Variants in ST8SIA1 observed in about 807,000 individuals in gnomAD.
ST8SIA1 encodes the protein alpha-N-acetylneuraminide alpha-2,8-sialyltransferase.
Under a neutral mutation model 35.9 loss-of-function variants are expected in ST8SIA1, and 16 were observed. The observed-to-expected ratio is 0.45, with a 90% CI of 0.30 to 0.68. The LOEUF (loss-of-function observed/expected upper bound fraction) is 0.68, where lower values mean the gene tolerates loss of function less well. ST8SIA1 is among the 30% of genes least tolerant of loss of function. The pLI is 0.09. For synonymous variants in ST8SIA1, 170 were observed against 169.6 expected (o/e 1.00, Z -0.02); for missense variants, 383 against 453.6 (o/e 0.84, Z 1.41).
chr12:22,234,676 T>G (rs1316226832), intron 4 of ST8SIA1, among the ~76,000 whole-genome samples: 1 of 152,200 alleles, frequency 6.6e-6, no homozygotes, highest in African/African-American at 2.4e-5. Flanking sequence ...AAACTCAACA[T>G]GTGCAGTACA....
intron 4 of ST8SIA1, among the ~76,000 whole-genome samples, chr12:22,224,314 T>A (rs1367370745): frequency 7.5e-6 from 1 of 134,138 alleles, no homozygotes; most frequent in Admixed American, 8.3e-5. Context: ...AATATATTTA[T>A]ACTTTTTTTT....
At chr12:22,311,858 C>T (rs1208054318) in intron 1 of ST8SIA1, among the ~76,000 whole-genome samples, 1 of 152,072 alleles carries the variant, frequency 6.6e-6, no homozygotes, top group Admixed American at 6.6e-5. Context: ...TAGGCAAGAC[C>T]TCCATTGCAA....
At chr12:22,288,415 C>T (rs1322231644) in intron 1 of ST8SIA1, among the ~76,000 whole-genome samples, 3 of 152,166 alleles carry the variant, frequency 2.0e-5, no homozygotes, top group Admixed American at 6.5e-5. Flanking sequence ...TCACTGAGAA[C>T]GTACTGGTAG....
chr12:22,252,295 G>C (rs1865680525), intron 3 of ST8SIA1, among the ~76,000 whole-genome samples: 1 of 152,052 alleles, frequency 6.6e-6, no homozygotes, highest in Non-Finnish European at 1.5e-5. Context: ...CTACAGTCTA[G>C]GACCAGACAT....
At chr12:22,261,022 A>C (rs1865785123) in intron 2 of ST8SIA1, among the ~76,000 whole-genome samples, 1 of 151,484 alleles carries the variant, frequency 6.6e-6, no homozygotes, top group Non-Finnish European at 1.5e-5. Context: ...GGCTACAGGC[A>C]TGTACCACCA....
chr12:22,229,615 CAAAAAAAA>C (rs11290260), intron 4 of ST8SIA1, among the ~76,000 whole-genome samples: 2 of 93,744 alleles, frequency 2.1e-5, no homozygotes, highest in East Asian at 2.9e-4. Flanking sequence ...GACCGGGTTT[CAAAAAAAA>C]AAAAAAAAAA....
At chr12:22,273,317 C>T (rs1431743027) in intron 2 of ST8SIA1, among the ~76,000 whole-genome samples, 1 of 152,190 alleles carries the variant, frequency 6.6e-6, no homozygotes, top group African/African-American at 2.4e-5. Flanking sequence ...TCTACACTGT[C>T]ATGTCCACCT....
intron 2 of ST8SIA1, among the ~76,000 whole-genome samples, chr12:22,266,882 T>C (rs373690096): frequency 3.8e-5 from 5 of 130,442 alleles, no homozygotes; most frequent in South Asian, 2.7e-4. Flanking sequence ...CACACACACA[T>C]ATACACAAAA....
rs1415095868 is a variant in ST8SIA1, at chr12:22,287,232, G to A, written c.298C>T (p.Pro100Ser). The change falls in exon 2 of 5, where the codon CCT becomes TCT. Residue 100 changes from proline to serine, a missense_variant. Pro to Ser is a moderately conservative substitution (Grantham distance 74). Coordinates refer to ENST00000396037, the MANE Select transcript of ST8SIA1 (RefSeq NM_003034.4). ...HLFAMTKMNS[P>S]MGKSMWYDGE... Reference sequence around the variant, plus strand: ...TCATACCACATGCTCTTCCCCATAGGGGAATTCATTTTAGTCATAGCAAAG... The same window carrying A: ...TCATACCACATGCTCTTCCCCATAGAGGAATTCATTTTAGTCATAGCAAAG... 3 of 1,613,882 alleles carry A rather than the reference G, an allele frequency of 1.9e-6. No homozygotes were observed. Among genetic ancestry groups the A allele is most frequent in the African/African-American group, 1.3e-5 (1 of 74,896 alleles).
intron 4 of ST8SIA1, among the ~76,000 whole-genome samples, chr12:22,237,680 G>A (rs1374558517): frequency 1.3e-5 from 2 of 150,700 alleles, no homozygotes; most frequent in Non-Finnish European, 3.0e-5. Context: ...CTTTTTTTTA[G>A]GTTTGGAGAT....
chr12:22,270,341 C>A (rs896210449), intron 2 of ST8SIA1, among the ~76,000 whole-genome samples: 4 of 152,110 alleles, frequency 2.6e-5, no homozygotes, highest in Non-Finnish European at 4.4e-5. Context: ...AGTTAGTCTT[C>A]AACAAACTAT....
At chr12:22,307,196 C>T (rs1451019609) in intron 1 of ST8SIA1, among the ~76,000 whole-genome samples, 1 of 152,100 alleles carries the variant, frequency 6.6e-6, no homozygotes, top group African/African-American at 2.4e-5. Context: ...TGAGGCACTA[C>T]ACAGCTGACT....
chr12:22,320,995 GAAAGAAAGAAGA>G (rs1396580078), intron 1 of ST8SIA1, among the ~76,000 whole-genome samples: 29 of 110,554 alleles, frequency 2.6e-4, no homozygotes, highest in South Asian at 3.1e-4. Context: ...AAGAAAGAAA[GAAAGAAAGAAGA>G]AAGAAAGAAA....
At chr12:22,287,536 T>C (rs948247077) in intron 1 of ST8SIA1, among the ~76,000 whole-genome samples, 1 of 150,306 alleles carries the variant, frequency 6.7e-6, no homozygotes, top group African/African-American at 2.4e-5. Context: ...ATTCATTAGA[T>C]TGTGTTCAGA....
intron 1 of ST8SIA1, among the ~76,000 whole-genome samples, chr12:22,329,605 A>G (rs1322595950): frequency 3.9e-5 from 6 of 152,226 alleles, no homozygotes; most frequent in Non-Finnish European, 7.3e-5. Context: ...TTTTACCTGT[A>G]CAGATGGCTG....
chr12:22,265,066 C>G (rs1014540343), intron 2 of ST8SIA1, among the ~76,000 whole-genome samples: 5 of 152,124 alleles, frequency 3.3e-5, no homozygotes, highest in African/African-American at 9.7e-5. Flanking sequence ...GTTCATGTGC[C>G]CATGCAGCAG....
At chr12:22,292,531 C>A (rs922922457) in intron 1 of ST8SIA1, among the ~76,000 whole-genome samples, 2 of 151,672 alleles carry the variant, frequency 1.3e-5, no homozygotes, top group African/African-American at 2.4e-5. Flanking sequence ...ATTGGATAAA[C>A]AAAATGTGGC....
At chr12:22,280,098 A>G (rs1866015960) in intron 2 of ST8SIA1, among the ~76,000 whole-genome samples, 1 of 152,212 alleles carries the variant, frequency 6.6e-6, no homozygotes, top group African/African-American at 2.4e-5. Context: ...GGTTGAAATG[A>G]TACCTCTCTA....
At chr12:22,221,189 A>G (rs989111821) in intron 4 of ST8SIA1, among the ~76,000 whole-genome samples, 12 of 152,016 alleles carry the variant, frequency 7.9e-5, no homozygotes, top group Non-Finnish European at 1.6e-4. Flanking sequence ...CAATACCACT[A>G]CCCTAACTTT....
Sources: allele counts gnomAD v4.1 joint callset (sites outside exome capture counted in the v4.1 genomes callset), GRCh38; gene constraint gnomAD v4.1.1; transcripts MANE v1.5; gene names NCBI Gene and HGNC (gene_info 2026-07-23, HGNC 2026-07-21).